The following GMDS variants were observed in gnomAD, a reference collection of about 807,000 sequenced individuals.
GMDS encodes GDP-mannose 4,6-dehydratase, also known as GDP-mannose 4,6 dehydratase.
In GMDS, 20 loss-of-function variants were observed where a neutral mutation model predicts 49.9. The ratio of observed to expected loss-of-function variants is 0.40; its 90% CI spans 0.28 to 0.58. The LOEUF (loss-of-function observed/expected upper bound fraction) is 0.58, where lower values mean the gene tolerates loss of function less well. GMDS is among the 20% of genes least tolerant of loss of function. GMDS has a pLI of 0.42. For missense variants in GMDS, 362 were observed against 481.4 expected (o/e 0.75, Z 2.32); for synonymous variants, 177 against 178.6 (o/e 0.99, Z 0.07).
Position 1,698,088 on chromosome 6 carries a change from C to T in GMDS, c.987+28328G>A, listed in dbSNP as rs117839947. Among the ~76,000 whole-genome samples the T allele has an allele frequency of 2.9e-4, 44 of 152,314 alleles. No individual in the cohort carries two copies. The East Asian group carries it at 5.2e-3, about 18-fold the overall frequency. The stretch of plus-strand genomic sequence containing the variant: ...GCAAAGAGTAGACAAAGAGGAGCGC[C>T]GCCCAGCCTCCCAACACCAGAGTCT... On this transcript the variant is annotated intron_variant, in intron 9 of 10. Transcript: ENST00000380815.
At chr6:1,756,790 A>G (rs1036481572) in intron 7 of GMDS, among the ~76,000 whole-genome samples, 1 of 152,200 alleles carries the variant, frequency 6.6e-6, no homozygotes, top group African/African-American at 2.4e-5. Flanking sequence ...ATTGTTCATT[A>G]GTCTAGACGA....
At chr6:1,737,492 C>T (rs1459545391) in intron 8 of GMDS, among the ~76,000 whole-genome samples, 4 of 151,048 alleles carry the variant, frequency 2.6e-5, no homozygotes, top group Admixed American at 6.7e-5. Context: ...GTGCTCCACA[C>T]ACACACAAAC....
intron 7 of GMDS, among the ~76,000 whole-genome samples, chr6:1,902,226 A>G (rs1561875988): frequency 6.6e-6 from 1 of 152,240 alleles, no homozygotes. Flanking sequence ...CATTCTGGAG[A>G]CACATTGTCC....
chr6:2,025,906 G>T (rs1768568673), intron 4 of GMDS, among the ~76,000 whole-genome samples: 1 of 152,104 alleles, frequency 6.6e-6, no homozygotes, highest in Non-Finnish European at 1.5e-5. Context: ...AAATTATCAT[G>T]TCTGCCTTTC....
chr6:1,763,458 C>A (rs572037029), intron 7 of GMDS, among the ~76,000 whole-genome samples: 1 of 152,142 alleles, frequency 6.6e-6, no homozygotes, highest in African/African-American at 2.4e-5. Context: ...GTGATAAATC[C>A]CCCACTTCCA....
At chr6:1,858,244 C>A (rs756049108) in intron 7 of GMDS, among the ~76,000 whole-genome samples, 1 of 152,014 alleles carries the variant, frequency 6.6e-6, no homozygotes. Context: ...TTAGACGTTA[C>A]CCCTCATTTC....
chr6:2,111,980 C>A (rs1034482555), intron 4 of GMDS, among the ~76,000 whole-genome samples: 1 of 152,186 alleles, frequency 6.6e-6, no homozygotes, highest in African/African-American at 2.4e-5. Flanking sequence ...ATGCTGCCAG[C>A]AACCTGACAG....
chr6:2,188,727 T>C (rs1197742481), intron 1 of GMDS, among the ~76,000 whole-genome samples: 1 of 152,180 alleles, frequency 6.6e-6, no homozygotes, highest in Non-Finnish European at 1.5e-5. Flanking sequence ...AACAGAAGAC[T>C]GCGAGGCAGG....
chr6:1,898,784 C>T lies in GMDS; in HGVS notation c.771+31319G>A, dbSNP rs1760351368. On this transcript the variant is annotated intron_variant, in intron 7 of 10. Coordinates refer to ENST00000380815, the MANE Select transcript of GMDS (RefSeq NM_001500.4). ...AGGAAGGTGCTGTGAGAATCAAATC[C>T]CAGCGTGTATTGATCTAAGAGATAT... Among the ~76,000 whole-genome samples the T allele has an allele frequency of 2.0e-5, 3 of 152,124 alleles. No homozygotes were observed. In the South Asian group the frequency reaches 6.2e-4, roughly 32 times the overall value.
At chr6:1,816,050 G>C (rs989464870) in intron 7 of GMDS, among the ~76,000 whole-genome samples, 1 of 152,222 alleles carries the variant, frequency 6.6e-6, no homozygotes, top group Non-Finnish European at 1.5e-5. Context: ...AAACGAGCAC[G>C]CATGCTCACT....
At chr6:2,222,412 C>T (rs992748458) in intron 1 of GMDS, among the ~76,000 whole-genome samples, 11 of 152,184 alleles carry the variant, frequency 7.2e-5, no homozygotes, top group African/African-American at 4.8e-5. Context: ...TGCTTATCTC[C>T]GACCCTTTGG....
chr6:1,891,553 C>G (rs1759868289), intron 7 of GMDS, among the ~76,000 whole-genome samples: 1 of 152,224 alleles, frequency 6.6e-6, no homozygotes, highest in Admixed American at 6.5e-5. Context: ...GTATTAAGTA[C>G]TTGATCTCCT....
chr6:1,871,801 A>C (rs1758770858), intron 7 of GMDS, among the ~76,000 whole-genome samples: 2 of 152,226 alleles, frequency 1.3e-5, no homozygotes, highest in South Asian at 2.1e-4. Flanking sequence ...TCACATAATA[A>C]TACTTTCTAC....
chr6:1,819,794 T>TATATAC (rs1770818927), intron 7 of GMDS, among the ~76,000 whole-genome samples: 1 of 147,714 alleles, frequency 6.8e-6, no homozygotes, highest in East Asian at 2.0e-4. Context: ...TATATATATA[T>TATATAC]ATATCTACCT....
chr6:1,903,364 T>C (rs1760597595), intron 7 of GMDS, among the ~76,000 whole-genome samples: 1 of 152,240 alleles, frequency 6.6e-6, no homozygotes, highest in African/African-American at 2.4e-5. Context: ...TATGAATTTC[T>C]TCAATCGGAA....
At position 1,680,196 on chromosome 6, in the gene GMDS, C is replaced by T. The variant is rs113870078; in HGVS notation, c.987+46220G>A. On this transcript the variant is annotated intron_variant, in intron 9 of 10. Transcript: ENST00000380815. The stretch of plus-strand genomic sequence containing the variant: ...AATAGGCATCCAGATATTCAAAGAC[C>T]GGGCCTCAGAGGTGAACTTCACTTA... Among the ~76,000 whole-genome samples, 457 of 152,232 alleles carry T rather than the reference C, an allele frequency of 3.0e-3. 1 individual carries two copies. Among genetic ancestry groups the T allele is most frequent in the African/African-American group, 0.01 (429 of 41,532 alleles).
chr6:2,096,093 A>G (rs933533596), intron 4 of GMDS, among the ~76,000 whole-genome samples: 2 of 152,232 alleles, frequency 1.3e-5, no homozygotes, highest in African/African-American at 4.8e-5. Context: ...TTTGACAGAA[A>G]GAAACGCCAG....
intron 1 of GMDS, among the ~76,000 whole-genome samples, chr6:2,180,346 T>A (rs1275651594): frequency 1.3e-5 from 2 of 152,222 alleles, no homozygotes. Context: ...CCAGAACTAA[T>A]CTGCTTTCTC....
chr6:1,788,475 A>T (rs920417903), intron 7 of GMDS, among the ~76,000 whole-genome samples: 2 of 152,174 alleles, frequency 1.3e-5, no homozygotes, highest in African/African-American at 4.8e-5. Flanking sequence ...CCTGGCAGAA[A>T]TGTCTGGGAA....
Sources: allele counts gnomAD v4.1 joint callset (sites outside exome capture counted in the v4.1 genomes callset), GRCh38; gene constraint gnomAD v4.1.1; transcripts MANE v1.5; gene names NCBI Gene and HGNC (gene_info 2026-07-23, HGNC 2026-07-21).